Variants in PRDX3 observed in about 807,000 individuals in gnomAD.
The protein encoded by PRDX3 is thioredoxin-dependent peroxide reductase, mitochondrial.
In PRDX3, 20 loss-of-function variants were observed where a neutral mutation model predicts 30.4. That is an observed-to-expected ratio of 0.66 (90% CI 0.46 to 0.96). PRDX3 has a LOEUF of 0.96. Ranked by LOEUF, PRDX3 falls within the 40% of genes least tolerant of loss-of-function variation. The pLI is 0.00. For missense variants in PRDX3, 322 were observed against 318.3 expected (o/e 1.01, Z -0.09); for synonymous variants, 124 against 117.8 (o/e 1.05, Z -0.34).
chr10:119,174,395 C>G, intron 3 of PRDX3, 56 bp downstream of exon 3: 1 of 1,530,068 alleles, frequency 6.5e-7, no homozygotes, highest in South Asian at 1.3e-5. Context: ...AGTGTGGGAA[C>G]AGGATATGTG....
intron 1 of PRDX3, among the ~76,000 whole-genome samples, chr10:119,177,913 C>T (rs1230461662): frequency 6.8e-6 from 1 of 147,318 alleles, no homozygotes; most frequent in Non-Finnish European, 1.5e-5. Flanking sequence ...CAGAGTCTCG[C>T]TCTTTTACCC....
At position 119,169,297 on chromosome 10, in the gene PRDX3, G is replaced by A. The variant is rs369936520; in HGVS notation, c.597C>T (p.Ser199=). The A allele has an allele frequency of 1.9e-6, 3 of 1,614,054 alleles. No individual in the cohort carries two copies. Among genetic ancestry groups the A allele is most frequent in the East Asian group, 2.2e-5 (1 of 44,884 alleles). ...TTCGGCCCACTGGGAGATCGTTGAC[G>A]CTCAAATGCTTGATGACTCCATTGG... ...IDPNGVIKHL[S]VNDLPVGRSV... The change falls in exon 6 of 7, where the codon AGC becomes AGT. Residue 199 remains serine (S), a synonymous_variant. Transcript: ENST00000298510.
intron 3 of PRDX3, 51 bp downstream of exon 3, chr10:119,174,400 T>C (rs1847978951): frequency 6.4e-7 from 1 of 1,551,772 alleles, no homozygotes; most frequent in South Asian, 1.2e-5. Flanking sequence ...GGGAACAGGA[T>C]ATGTGCTTGC....
rs1320198617 is a variant in PRDX3, at chr10:119,168,602, A to AATCT, written c.718-73_718-70dup. 3.2e-6 allele frequency: 5 copies of AATCT among 1,578,860 alleles called. No homozygotes were observed. The East Asian group carries it at 1.1e-4, about 35-fold the overall frequency. Reference sequence around the variant, plus strand: ...AATAATAGTCCCAAAAGTGAGTGGCAATCTCCCAATTTTTAACCTAAAGTT... The same window carrying AATCT: ...AATAATAGTCCCAAAAGTGAGTGGCAATCTATCTCCCAATTTTTAACCTAAAGTT... On this transcript the variant is annotated intron_variant, in intron 6 of 6. Transcript: ENST00000298510.
In PRDX3 at chr10:119,174,458, A is replaced by C. The variant is rs749435770; in HGVS notation, c.304T>G (p.Leu102Val). ...GKYLVLFFYP[L>V]DFTFVCPTEI... is the part of the protein sequence containing the mutation. Reference sequence around the variant, plus strand: ...CATAGAAATTACACTTACAAATCCAAAGGATAGAAGAAAAGCACCAAATAT... The same window carrying C: ...CATAGAAATTACACTTACAAATCCACAGGATAGAAGAAAAGCACCAAATAT... Residue 102 changes from leucine (L) to valine (V), a missense_variant, in exon 3 of 7, where the codon TTG becomes GTG. Physicochemically the swap from Leu to Val is conservative, Grantham distance 32. Transcript: ENST00000298510. 1 of 1,596,208 alleles carries C rather than the reference A, an allele frequency of 6.3e-7. No homozygotes were observed. The highest frequency in any genetic ancestry group is 2.2e-5 in the East Asian group (1 of 44,750).
At chr10:119,175,340 T>C (rs1010219844) in intron 2 of PRDX3, among the ~76,000 whole-genome samples, 4 of 152,142 alleles carry the variant, frequency 2.6e-5, no homozygotes, top group African/African-American at 7.2e-5. Context: ...GCAGGAATGG[T>C]TGAAGGCCAT....
intron 4 of PRDX3, among the ~76,000 whole-genome samples, chr10:119,173,064 G>A (rs1043080117): frequency 2.0e-4 from 30 of 152,042 alleles, no homozygotes; most frequent in Admixed American, 1.4e-3. Context: ...TCAGCCTCCC[G>A]AGTAGCTGGG....
chr10:119,175,307 A>G (rs996618384), intron 2 of PRDX3, among the ~76,000 whole-genome samples: 18 of 152,220 alleles, frequency 1.2e-4, no homozygotes, highest in African/African-American at 4.1e-4. Context: ...GTCTAAGGGT[A>G]CGGAGTGAAG....
intron 5 of PRDX3, 149 bp downstream of exon 5, chr10:119,172,233 G>T: frequency 1.5e-6 from 1 of 662,470 alleles, no homozygotes; most frequent in Admixed American, 2.5e-5. Flanking sequence ...GCCTCCCAAA[G>T]TGCTACGATT....
intron 5 of PRDX3, among the ~76,000 whole-genome samples, chr10:119,172,033 C>T (rs1023504857): frequency 4.6e-5 from 7 of 152,234 alleles, no homozygotes; most frequent in East Asian, 1.9e-4. Flanking sequence ...GTGGAGGGGA[C>T]ATGCATGTCT....
chr10:119,175,004 C>T (rs1458391563), intron 2 of PRDX3, among the ~76,000 whole-genome samples: 3 of 152,180 alleles, frequency 2.0e-5, no homozygotes, highest in African/African-American at 4.8e-5. Flanking sequence ...CCAATATTTT[C>T]GATTCAACCA....
intron 6 of PRDX3, 115 bp downstream of exon 6, chr10:119,169,062 C>T: frequency 9.1e-7 from 1 of 1,103,212 alleles, no homozygotes; most frequent in Non-Finnish European, 1.3e-6. Flanking sequence ...CACCCATTTG[C>T]ATATCATCTG....
At chr10:119,172,728 A>G (rs1409806896) in intron 4 of PRDX3, among the ~76,000 whole-genome samples, 1 of 152,138 alleles carries the variant, frequency 6.6e-6, no homozygotes, top group Admixed American at 6.6e-5. Flanking sequence ...GCTAGAAAGG[A>G]GCAGAAGGAA....
intron 5 of PRDX3, chr10:119,169,931 A>G (rs938007587): frequency 3.3e-5 from 5 of 152,430 alleles, no homozygotes; most frequent in African/African-American, 4.8e-5. Flanking sequence ...GTCTGTGTTT[A>G]TCTTCTGTGT....
chr10:119,174,562 T>G lies in PRDX3; in HGVS notation c.200A>C (p.Gln67Pro). The G allele has an allele frequency of 6.2e-7, 1 of 1,607,602 alleles. No individual in the cohort carries two copies. Among genetic ancestry groups the G allele is most frequent in the South Asian group, 1.1e-5 (1 of 89,490 alleles). ...TGTACCCTTAAAATAGGGTGCATGC[T>G]GGGTGACAGCAGGTGCATGGCATGA... ...SSSCHAPAVT[Q>P]HAPYFKGTAV... Residue 67 changes from glutamine (Q) to proline (P), a missense_variant, in exon 3 of 7, where the codon CAG becomes CCG. Gln to Pro is a moderately conservative substitution (Grantham distance 76). Transcript: ENST00000298510.
Position 119,168,474 on chromosome 10 carries a change from G to A in PRDX3, c.*6C>T. The A allele has an allele frequency of 6.2e-7, 1 of 1,613,566 alleles. No individual in the cohort carries two copies. The highest frequency in any genetic ancestry group is 8.5e-7 in the Non-Finnish European group (1 of 1,179,962). On this transcript the variant is annotated 3_prime_UTR_variant, in exon 7 of 7. Coordinates refer to ENST00000298510, the MANE Select transcript of PRDX3 (RefSeq NM_006793.5). Reference sequence around the variant, plus strand: ...AGTTGAGAAGGTGCAGATACACATGGGTGATCTACTGATTTACCTTCTGAA... The same window carrying A: ...AGTTGAGAAGGTGCAGATACACATGAGTGATCTACTGATTTACCTTCTGAA...
chr10:119,177,087 A>G lies in PRDX3; in HGVS notation c.103T>C (p.Cys35Arg), dbSNP rs564146305. The change falls in exon 2 of 7, where the codon TGT (cysteine) becomes CGT (arginine). Residue 35 changes from cysteine to arginine, a missense_variant. Physicochemically the swap from Cys to Arg is radical, Grantham distance 180. Transcript: ENST00000298510. ...AAATTTGTCAAGCTCGTTCTTCCACATGCAGCAGGCCTGAGGGCTGCAGTG... is the reference window on the plus strand; with the variant it reads ...AAATTTGTCAAGCTCGTTCTTCCACGTGCAGCAGGCCTGAGGGCTGCAGTG... ...SATAALRPAA[C>R]GRTSLTNLLC... 1.2e-6 allele frequency: 2 copies of G among 1,614,060 alleles called. No individual in the cohort carries two copies. The highest frequency in any genetic ancestry group is 2.2e-5 in the South Asian group (2 of 91,082).
chr10:119,170,440 T>G (rs1189547490), intron 5 of PRDX3: 4 of 152,142 alleles, frequency 2.6e-5, no homozygotes. Context: ...TCTCTCTTGT[T>G]AATCTCAATA....
chr10:119,176,086 G>A (rs1036040501), intron 2 of PRDX3, among the ~76,000 whole-genome samples: 3 of 151,934 alleles, frequency 2.0e-5, no homozygotes, highest in Non-Finnish European at 4.4e-5. Context: ...GCCCAGCCTC[G>A]ATTTCAGTGA....
Sources: allele counts gnomAD v4.1 joint callset (sites outside exome capture counted in the v4.1 genomes callset), GRCh38; gene constraint gnomAD v4.1.1; transcripts MANE v1.5; gene names NCBI Gene and HGNC (gene_info 2026-07-23, HGNC 2026-07-21).